The following ABHD17C variants were observed in gnomAD, a reference collection of about 807,000 sequenced individuals.
ABHD17C encodes the protein abhydrolase domain containing 17C, depalmitoylase, also known as alpha/beta hydrolase domain-containing protein 17C.
ABHD17C carries 11 observed loss-of-function variants against 27.9 expected under a neutral mutation model. The observed-to-expected ratio is 0.39, with a 90% CI of 0.25 to 0.65. ABHD17C has a LOEUF of 0.65. Among genes scored for constraint, ABHD17C ranks in the 30% least tolerant of loss-of-function variants. The probability of loss-of-function intolerance (pLI) is 0.45; values close to 1 mark genes in which losing one functional copy is unlikely to be tolerated. For missense variants in ABHD17C, 280 were observed against 470.2 expected, an observed-to-expected ratio of 0.60 and a Z score of 3.74; for synonymous variants, 233 against 209.1, an observed-to-expected ratio of 1.11 and a Z score of -0.98.
intron 1 of ABHD17C, among the ~76,000 whole-genome samples, chr15:80,719,937 A>G (rs1383226386): frequency 1.3e-5 from 2 of 152,072 alleles, no homozygotes; most frequent in South Asian, 2.1e-4. Flanking sequence ...AGCTGAGACT[A>G]CAAGTGCACA....
chr15:80,736,571 G>T (rs10851941), intron 1 of ABHD17C, among the ~76,000 whole-genome samples: 142,505 of 152,288 alleles, frequency 0.94, 66,722 homozygotes, highest in East Asian at 0.97. Flanking sequence ...TATAAAGTTA[G>T]TAGGATTTCT....
chr15:80,719,936 T>A (rs1894868472), intron 1 of ABHD17C, among the ~76,000 whole-genome samples: 1 of 152,162 alleles, frequency 6.6e-6, no homozygotes, highest in Admixed American at 6.6e-5. Context: ...TAGCTGAGAC[T>A]ACAAGTGCAC....
intron 1 of ABHD17C, among the ~76,000 whole-genome samples, chr15:80,720,412 C>G (rs1894878765): frequency 6.6e-6 from 1 of 151,988 alleles, no homozygotes; most frequent in Non-Finnish European, 1.5e-5. Context: ...TTTCTAGAAA[C>G]CACTTGATGG....
At chr15:80,728,544 G>A (rs1334216981) in intron 1 of ABHD17C, among the ~76,000 whole-genome samples, 9 of 152,162 alleles carry the variant, frequency 5.9e-5, no homozygotes, top group Non-Finnish European at 1.3e-4. Context: ...CTAAAGGCAG[G>A]TAAATCACCT....
At chr15:80,698,548 G>A (rs114439682) in intron 1 of ABHD17C, among the ~76,000 whole-genome samples, 2,195 of 152,270 alleles carry the variant, frequency 0.014, 54 homozygotes, top group African/African-American at 0.05. Flanking sequence ...CATTGCCACG[G>A]TAAGCATATT....
chr15:80,727,903 C>T (rs1489837415), intron 1 of ABHD17C, among the ~76,000 whole-genome samples: 1 of 152,178 alleles, frequency 6.6e-6, no homozygotes, highest in Non-Finnish European at 1.5e-5. Flanking sequence ...CAAGACACAG[C>T]ATTGTTGCTG....
intron 1 of ABHD17C, chr15:80,703,086 C>T (rs1234417251): frequency 5.9e-5 from 9 of 152,168 alleles, no homozygotes; most frequent in Non-Finnish European, 1.2e-4. Context: ...GTTTGGTGTC[C>T]GATGATGACT....
chr15:80,712,527 A>G (rs1000018984), intron 1 of ABHD17C, among the ~76,000 whole-genome samples: 1 of 152,222 alleles, frequency 6.6e-6, no homozygotes, highest in Non-Finnish European at 1.5e-5. Context: ...TTATTTTCTT[A>G]AGAGCAGCCT....
At chr15:80,703,399 C>T (rs1204033258) in intron 1 of ABHD17C, 1 of 152,244 alleles carries the variant, frequency 6.6e-6, no homozygotes, top group Admixed American at 6.5e-5. Flanking sequence ...TTCTGGGCTT[C>T]ACATTCCACT....
At chr15:80,736,449 G>A (rs1895131512) in intron 1 of ABHD17C, among the ~76,000 whole-genome samples, 3 of 152,292 alleles carry the variant, frequency 2.0e-5, no homozygotes, top group Non-Finnish European at 2.9e-5. Context: ...GAGGGACTGT[G>A]TTTTCTGGCT....
At chr15:80,738,220 A>G (rs1000759729) in intron 1 of ABHD17C, among the ~76,000 whole-genome samples, 4 of 152,146 alleles carry the variant, frequency 2.6e-5, no homozygotes, top group Non-Finnish European at 5.9e-5. Context: ...GGGTACAGCA[A>G]TGGATTGACA....
chr15:80,732,624 AG>A (rs1287642674), intron 1 of ABHD17C, among the ~76,000 whole-genome samples: 16 of 152,176 alleles, frequency 1.1e-4, no homozygotes, highest in African/African-American at 3.4e-4. Flanking sequence ...AGGAAATACA[AG>A]GAAAACAGAA....
intron 1 of ABHD17C, among the ~76,000 whole-genome samples, chr15:80,726,968 G>A (rs527357875): frequency 1.3e-5 from 2 of 152,234 alleles, no homozygotes; most frequent in South Asian, 2.1e-4. Context: ...TGTTCCTTCT[G>A]TGTGTCTGTA....
At chr15:80,753,793 T>A (rs534771736) in intron 2 of ABHD17C, among the ~76,000 whole-genome samples, 1 of 152,138 alleles carries the variant, frequency 6.6e-6, no homozygotes, top group African/African-American at 2.4e-5. Flanking sequence ...GAAAAAAAAC[T>A]AAATTACCAG....
chr15:80,705,333 T>TTTTGTGTGTGTG (rs10523879), intron 1 of ABHD17C, among the ~76,000 whole-genome samples: 37 of 106,890 alleles, frequency 3.5e-4, no homozygotes, highest in Non-Finnish European at 5.2e-4. Flanking sequence ...TTCCTATGAT[T>TTTTGTGTGTGTG]TGTGTGTGTG....
intron 2 of ABHD17C, among the ~76,000 whole-genome samples, chr15:80,752,630 AC>A (rs752885387): frequency 3.9e-5 from 6 of 152,216 alleles, no homozygotes; most frequent in Non-Finnish European, 7.3e-5. Flanking sequence ...GTTAGCTGTT[AC>A]TTTTAACAAA....
At chr15:80,717,109 T>A (rs1894813283) in intron 1 of ABHD17C, among the ~76,000 whole-genome samples, 1 of 152,204 alleles carries the variant, frequency 6.6e-6, no homozygotes, top group African/African-American at 2.4e-5. Context: ...TAAAAATATT[T>A]CCCTAGTTAT....
chr15:80,704,798 G>C (rs1288008080), intron 1 of ABHD17C: 1 of 152,328 alleles, frequency 6.6e-6, no homozygotes, highest in East Asian at 1.9e-4. Context: ...AGTCTGACAA[G>C]AGAGCATCGA....
intron 1 of ABHD17C, among the ~76,000 whole-genome samples, chr15:80,716,794 C>T (rs1030747393): frequency 4.6e-5 from 7 of 152,106 alleles, no homozygotes; most frequent in Non-Finnish European, 7.4e-5. Context: ...CTTTTGCAGC[C>T]GGAATGTTCC....
Sources: gnomAD v4.1 joint callset for allele counts (sites outside exome capture counted in the v4.1 genomes callset) on GRCh38, gnomAD v4.1.1 for gene constraint, MANE v1.5 for transcripts, NCBI Gene and HGNC (gene_info 2026-07-23, HGNC 2026-07-21) for gene names.